Variants in SDC2 observed in about 807,000 individuals in gnomAD.
SDC2 encodes syndecan-2.
In SDC2, 13 loss-of-function variants were observed where a neutral mutation model predicts 22.2. That is an observed-to-expected ratio of 0.59 (90% CI 0.38 to 0.93). The LOEUF is 0.93. Ranked by LOEUF, SDC2 falls within the 40% of genes least tolerant of loss-of-function variation. SDC2 has a pLI of 0.00. For missense variants in SDC2, 235 were observed against 246.8 expected, an observed-to-expected ratio of 0.95 and a Z score of 0.32; for synonymous variants, 94 against 92.8, an observed-to-expected ratio of 1.01 and a Z score of -0.07.
At chr8:96,545,819 A>G (rs1320941768) in intron 1 of SDC2, among the ~76,000 whole-genome samples, 1 of 152,164 alleles carries the variant, frequency 6.6e-6, no homozygotes, top group Non-Finnish European at 1.5e-5. Flanking sequence ...TCCCTGCTTT[A>G]TGGAATAAAA....
intron 1 of SDC2, among the ~76,000 whole-genome samples, chr8:96,584,468 G>A (rs1814647643): frequency 6.6e-6 from 1 of 152,204 alleles, no homozygotes; most frequent in Non-Finnish European, 1.5e-5. Flanking sequence ...GCTTGACTTG[G>A]ACTCTGTTCC....
chr8:96,562,930 T>A (rs1039000016), intron 1 of SDC2, among the ~76,000 whole-genome samples: 6 of 152,154 alleles, frequency 3.9e-5, no homozygotes, highest in Admixed American at 3.9e-4. Flanking sequence ...CACTCTTTTT[T>A]TTTTCCTTTC....
chr8:96,589,449 G>A (rs1225963353), intron 1 of SDC2, among the ~76,000 whole-genome samples: 1 of 152,124 alleles, frequency 6.6e-6, no homozygotes, highest in African/African-American at 2.4e-5. Context: ...TCCTTGCTCT[G>A]TCTCCCAGGC....
rs192645093 is a variant in SDC2, at chr8:96,610,504, G to A, written c.*956G>A. On this transcript the variant is annotated 3_prime_UTR_variant, in exon 5 of 5. Transcript: ENST00000302190. ...TGCAGACTGGTGTTAATGAGTATAT[G>A]TAACAGTTTAAAAAAAAAGTTGGTA... 2 of 152,586 alleles carry A rather than the reference G, an allele frequency of 1.3e-5. No individual in the cohort carries two copies. Among genetic ancestry groups the A allele is most frequent in the Admixed American group, 1.3e-4 (2 of 15,276 alleles). The allele number at this position is 152,586 out of a possible 1,614,324, so 9.5% of individuals were successfully genotyped here. A position where few individuals can be genotyped will look rare whatever the true frequency, so the allele number is the denominator to read the frequency against.
intron 1 of SDC2, among the ~76,000 whole-genome samples, chr8:96,510,216 A>T (rs2130438965): frequency 6.6e-6 from 1 of 152,314 alleles, no homozygotes; most frequent in South Asian, 2.1e-4. Context: ...GATTGAATAT[A>T]CTGATCATGT....
intron 1 of SDC2, among the ~76,000 whole-genome samples, chr8:96,524,326 C>A (rs1476521870): frequency 6.6e-6 from 1 of 152,112 alleles, no homozygotes; most frequent in East Asian, 1.9e-4. Context: ...TCATGGCTGA[C>A]CTTTCGTTTG....
intron 4 of SDC2, 122 bp downstream of exon 4, chr8:96,608,592 G>A (rs2130666161): frequency 1.2e-5 from 10 of 852,426 alleles, no homozygotes; most frequent in Admixed American, 5.9e-5. Context: ...TCTTGTGGGT[G>A]CTTGATTCCA....
chr8:96,496,616 C>T (rs1982148), intron 1 of SDC2, among the ~76,000 whole-genome samples: 51 of 152,248 alleles, frequency 3.3e-4, no homozygotes, highest in African/African-American at 1.2e-3. Flanking sequence ...TTAGCAATTA[C>T]AGAATATTAT....
At chr8:96,516,501 C>T (rs895302744) in intron 1 of SDC2, among the ~76,000 whole-genome samples, 94 of 152,130 alleles carry the variant, frequency 6.2e-4, no homozygotes, top group African/African-American at 2.1e-3. Context: ...AATTGTGCAA[C>T]AGTGACCACA....
At chr8:96,584,105 T>C (rs80182460) in intron 1 of SDC2, among the ~76,000 whole-genome samples, 12,745 of 152,288 alleles carry the variant, frequency 0.084, 636 homozygotes, top group East Asian at 0.21. Flanking sequence ...TTTTAAATAG[T>C]CAAGGCTTCT....
chr8:96,564,783 C>T (rs1441920735), intron 1 of SDC2, among the ~76,000 whole-genome samples: 1 of 152,082 alleles, frequency 6.6e-6, no homozygotes, highest in Admixed American at 6.6e-5. Flanking sequence ...TATCACATCC[C>T]ATAGGTAAGT....
chr8:96,566,248 A>T (rs906478729), intron 1 of SDC2, among the ~76,000 whole-genome samples: 1 of 152,230 alleles, frequency 6.6e-6, no homozygotes, highest in Non-Finnish European at 1.5e-5. Flanking sequence ...AAAAATGCAT[A>T]TTATGTAAGA....
intron 1 of SDC2, among the ~76,000 whole-genome samples, chr8:96,546,328 C>T (rs1813931518): frequency 6.6e-6 from 1 of 152,142 alleles, no homozygotes. Context: ...GAGTCTTGAC[C>T]ATATTCTCAG....
intron 1 of SDC2, among the ~76,000 whole-genome samples, chr8:96,540,689 A>G (rs994596678): frequency 9.2e-5 from 14 of 152,184 alleles, no homozygotes; most frequent in African/African-American, 1.4e-4. Flanking sequence ...ATTTGAAAAG[A>G]GATTTAGCAA....
chr8:96,579,630 C>G (rs1166810217), intron 1 of SDC2, among the ~76,000 whole-genome samples: 6 of 152,252 alleles, frequency 3.9e-5, no homozygotes, highest in Non-Finnish European at 7.4e-5. Context: ...TTGGAAATGC[C>G]AGATCTCAAA....
chr8:96,589,188 T>C (rs1814735564), intron 1 of SDC2, among the ~76,000 whole-genome samples: 1 of 152,196 alleles, frequency 6.6e-6, no homozygotes, highest in South Asian at 2.1e-4. Context: ...ACCATCGCTG[T>C]CCTCAATTTT....
intron 1 of SDC2, among the ~76,000 whole-genome samples, chr8:96,506,107 C>T (rs1813234872): frequency 6.6e-6 from 1 of 152,210 alleles, no homozygotes; most frequent in African/African-American, 2.4e-5. Flanking sequence ...TAAAACCTTC[C>T]TTGAAGTGGC....
intron 1 of SDC2, among the ~76,000 whole-genome samples, chr8:96,580,882 A>G (rs1023007202): frequency 6.6e-6 from 1 of 152,226 alleles, no homozygotes; most frequent in African/African-American, 2.4e-5. Flanking sequence ...TTTATAAAAT[A>G]GTGTTGAATT....
intron 1 of SDC2, among the ~76,000 whole-genome samples, chr8:96,572,050 G>T (rs1814405415): frequency 6.6e-6 from 1 of 152,150 alleles, no homozygotes; most frequent in African/African-American, 2.4e-5. Flanking sequence ...AAGGCCATCA[G>T]TGCTGGCTCA....
Sources: gnomAD v4.1 joint callset for allele counts (sites outside exome capture counted in the v4.1 genomes callset) on GRCh38, gnomAD v4.1.1 for gene constraint, MANE v1.5 for transcripts, NCBI Gene and HGNC (gene_info 2026-07-23, HGNC 2026-07-21) for gene names.